The following TMEM220 variants were observed in gnomAD, a reference collection of about 807,000 sequenced individuals.
TMEM220 encodes transmembrane protein 220.
In TMEM220, 21 loss-of-function variants were observed where a neutral mutation model predicts 21.7. That is an observed-to-expected ratio of 0.97 (90% confidence interval 0.69 to 1.39). TMEM220 has a LOEUF of 1.39. TMEM220 is among the 40% of genes most tolerant of loss of function. TMEM220 has a pLI of 0.00. For synonymous variants in TMEM220, 80 were observed against 73.6 expected, an observed-to-expected ratio of 1.09 and a Z score of -0.45; for missense variants, 191 against 201.9, an observed-to-expected ratio of 0.95 and a Z score of 0.33.
chr17:10,729,752 G>T (rs1402475320), intron 1 of TMEM220, 28 bp downstream of exon 1: 8 of 1,339,368 alleles, frequency 6.0e-6, no homozygotes, highest in African/African-American at 1.5e-5. Flanking sequence ...GAGCCGGGCG[G>T]GTCCCCCTCC....
At chr17:10,718,330 A>G (rs2074947880) in intron 5 of TMEM220, among the ~76,000 whole-genome samples, 1 of 152,006 alleles carries the variant, frequency 6.6e-6, no homozygotes, top group Non-Finnish European at 1.5e-5. Context: ...TGTTATTTGT[A>G]CTTCCTTGTG....
Position 10,729,135 on chromosome 17 carries a change from T to C in TMEM220, c.73-75A>G, listed in dbSNP as rs149401833. On this transcript the variant is annotated intron_variant, in intron 1 of 5. Transcript: ENST00000341871. ...TTCCTTTTAAATTCATTTAAGCACA[T>C]TTTTTATTAATTTGTTAAGTGCCAG... is the stretch of plus-strand genomic sequence containing the variant. 82 of 1,555,874 alleles carry C rather than the reference T, an allele frequency of 5.3e-5. No homozygotes were observed. In the African/African-American group the frequency reaches 1.0e-3, roughly 20 times the overall value.
intron 5 of TMEM220, among the ~76,000 whole-genome samples, chr17:10,721,346 C>G (rs1390745331): frequency 1.3e-5 from 2 of 152,062 alleles, no homozygotes; most frequent in Non-Finnish European, 2.9e-5. Context: ...CAGTGGCTCA[C>G]GCCTGTAATC....
At chr17:10,722,970 C>T (rs1313350153) in intron 5 of TMEM220, among the ~76,000 whole-genome samples, 1 of 148,910 alleles carries the variant, frequency 6.7e-6, no homozygotes, top group Admixed American at 6.8e-5. Context: ...TTGTCAGCCT[C>T]GAAGATGTGA....
intron 5 of TMEM220, among the ~76,000 whole-genome samples, chr17:10,718,574 CTA>C (rs1331116073): frequency 4.6e-5 from 7 of 151,974 alleles, no homozygotes; most frequent in African/African-American, 1.2e-4. Context: ...GTACTTATGT[CTA>C]TATGTTTCCC....
At position 10,729,836 on chromosome 17, in the gene TMEM220, A is replaced by G. The variant is rs1258259457; in HGVS notation, c.16T>C (p.Trp6Arg). Residue 6 changes from tryptophan to arginine, a missense_variant, in exon 1 of 6, where the codon TGG (tryptophan) becomes CGG (arginine). Physicochemically the swap from Trp to Arg is moderately radical, Grantham distance 101. Transcript: ENST00000341871. ...GCCATGAGTCCGTTGCAGGCCCGCC[A>G]CAGCGCTGGCGCCATGGCTCGGAGA... MAPALWRACNGLMAAF... is the reference protein window; with the variant it reads MAPALRRACNGLMAAF... 1 of 1,397,580 alleles carries G rather than the reference A, an allele frequency of 7.2e-7. No homozygotes were observed. The highest frequency in any genetic ancestry group is 9.4e-7 in the Non-Finnish European group (1 of 1,067,684). 86.6% of individuals were successfully genotyped at this position (1,397,580 alleles called of 1,614,324 possible). A position where few individuals can be genotyped will look rare whatever the true frequency, so the allele number is the denominator to read the frequency against.
Position 10,715,161 on chromosome 17 carries a change from A to G in TMEM220, c.*292T>C. 1 of 234,130 alleles carries G rather than the reference A, an allele frequency of 4.3e-6. No individual in the cohort carries two copies. The highest frequency in any genetic ancestry group is 2.3e-5 in the African/African-American group (1 of 43,144). 14.5% of individuals were successfully genotyped at this position (234,130 alleles called of 1,614,324 possible). A position where few individuals can be genotyped will look rare whatever the true frequency, so the allele number is the denominator to read the frequency against. On this transcript the variant is annotated 3_prime_UTR_variant, in exon 6 of 6. Transcript: ENST00000341871. ...CCAGGAGGTTTATATATTTGCCCAA[A>G]TTACATAGTTACAAAGTTAAGTTAG... is the stretch of plus-strand genomic sequence containing the variant.
At chr17:10,717,536 GT>G (rs1426734855) in intron 5 of TMEM220, among the ~76,000 whole-genome samples, 3 of 152,030 alleles carry the variant, frequency 2.0e-5, no homozygotes, top group Non-Finnish European at 4.4e-5. Flanking sequence ...TGGTAGTTGG[GT>G]TATATATTGC....
intron 4 of TMEM220, 136 bp from the exon 5 acceptor site, chr17:10,723,465 G>A (rs1390160297): frequency 5.8e-6 from 4 of 692,122 alleles, no homozygotes; most frequent in Admixed American, 2.1e-5. Flanking sequence ...GGCATCGATG[G>A]AATATTTTCA....
Position 10,729,973 on chromosome 17 carries a change from C to T in TMEM220, c.-122G>A, listed in dbSNP as rs369226005. ...CGAGACCCCCGCCTCGGTTTCGGTG[C>T]CTTGGGGACACTGCCGTGGCCGTCG... is the stretch of plus-strand genomic sequence containing the variant. On this transcript the variant is annotated 5_prime_UTR_variant, in exon 1 of 6. Coordinates refer to ENST00000341871, the MANE Select transcript of TMEM220 (RefSeq NM_001004313.3). 5.7e-6 allele frequency: 7 copies of T among 1,223,654 alleles called. No individual in the cohort carries two copies. The African/African-American group carries it at 1.1e-4, about 20-fold the overall frequency. 75.8% of individuals were successfully genotyped at this position (1,223,654 alleles called of 1,614,324 possible).
At chr17:10,726,368 G>A in intron 2 of TMEM220, 104 bp from the exon 3 acceptor site, 1 of 938,440 alleles carries the variant, frequency 1.1e-6, no homozygotes, top group South Asian at 1.4e-5. Flanking sequence ...AGTGGCTGCT[G>A]TGCCCCATGA....
chr17:10,724,256 T>C (rs1208292611), intron 4 of TMEM220, among the ~76,000 whole-genome samples: 1 of 152,128 alleles, frequency 6.6e-6, no homozygotes, highest in Non-Finnish European at 1.5e-5. Flanking sequence ...ACACAAGACA[T>C]ACCAGGGCAA....
At chr17:10,727,332 G>C (rs540371311) in intron 2 of TMEM220, among the ~76,000 whole-genome samples, 8 of 152,154 alleles carry the variant, frequency 5.3e-5, no homozygotes, top group African/African-American at 1.9e-4. Flanking sequence ...TGTTTTGAGG[G>C]GCTCTCCAAG....
intron 1 of TMEM220, among the ~76,000 whole-genome samples, chr17:10,729,354 G>C (rs181029963): frequency 1.2e-3 from 186 of 152,232 alleles, no homozygotes; most frequent in African/African-American, 4.2e-3. Context: ...ACCCCCACCA[G>C]TCTCAAGAAA....
chr17:10,711,363 G>A, downstream of TMEM220: 1 of 524,148 alleles, frequency 1.9e-6, no homozygotes, highest in Non-Finnish European at 3.4e-6. Flanking sequence ...TGAGGCAGGG[G>A]TGTATAGTCC....
intron 5 of TMEM220, among the ~76,000 whole-genome samples, chr17:10,721,638 A>AAAAAAGG (rs1567586258): frequency 7.3e-6 from 1 of 137,670 alleles, no homozygotes; most frequent in East Asian, 2.0e-4. Context: ...GAAAAAAAAG[A>AAAAAAGG]AAAAAAAAAT....
chr17:10,711,300 G>T, downstream of TMEM220: 1 of 679,356 alleles, frequency 1.5e-6, no homozygotes, highest in East Asian at 2.8e-5. Context: ...ACTCAGAAAT[G>T]TTATTTTGGA....
chr17:10,713,423 A>G lies in TMEM220; in HGVS notation c.*2030T>C, dbSNP rs551212473. On this transcript the variant is annotated 3_prime_UTR_variant, in exon 6 of 6. Coordinates refer to ENST00000341871, the MANE Select transcript of TMEM220 (RefSeq NM_001004313.3). ...TGCGAAAGAGACTATGAATAGTCAC[A>G]TAATTTCGTAGTCTGATATGGGAGA... 3.3e-5 allele frequency: 5 copies of G among 152,324 alleles called. No homozygotes were observed. Among genetic ancestry groups the G allele is most frequent in the African/African-American group, 1.2e-4 (5 of 41,584 alleles). 9.4% of individuals were successfully genotyped at this position (152,324 alleles called of 1,614,324 possible).
At chr17:10,725,965 A>C (rs1488749881) in intron 3 of TMEM220, among the ~76,000 whole-genome samples, 1 of 152,230 alleles carries the variant, frequency 6.6e-6, no homozygotes, top group African/African-American at 2.4e-5. Context: ...TTTTAAAGAA[A>C]GTGAAGAAGA....
Sources: gnomAD v4.1 joint callset for allele counts (sites outside exome capture counted in the v4.1 genomes callset) on GRCh38, gnomAD v4.1.1 for gene constraint, MANE v1.5 for transcripts, NCBI Gene and HGNC (gene_info 2026-07-23, HGNC 2026-07-21) for gene names.